The following VPS35L variants were observed in gnomAD, a reference collection of about 807,000 sequenced individuals.
VPS35L encodes the protein VPS35 endosomal protein sorting factor like.
Under a neutral mutation model 133.0 loss-of-function variants are expected in VPS35L, and 83 were observed. The ratio of observed to expected loss-of-function variants is 0.62; its 90% confidence interval spans 0.52 to 0.75. VPS35L has a LOEUF of 0.75. VPS35L is among the 30% of genes least tolerant of loss of function. The probability of loss-of-function intolerance (pLI) is 0.00; values close to 1 mark genes in which losing one functional copy is unlikely to be tolerated. For synonymous variants in VPS35L, 423 were observed against 449.9 expected (o/e 0.94, Z 0.76); for missense variants, 1,083 against 1,206.8 (o/e 0.90, Z 1.52).
At chr16:19,625,866 G>T (rs1407166421) in intron 14 of VPS35L, among the ~76,000 whole-genome samples, 3 of 152,082 alleles carry the variant, frequency 2.0e-5, no homozygotes, top group Non-Finnish European at 4.4e-5. Flanking sequence ...TGGAGACGGG[G>T]TTTTACCATG....
intron 28 of VPS35L, among the ~76,000 whole-genome samples, chr16:19,683,610 G>A (rs1016924757): frequency 6.6e-6 from 1 of 152,188 alleles, no homozygotes; most frequent in African/African-American, 2.4e-5. Context: ...TTGCACCCAT[G>A]TTGCCACAAA....
chr16:19,567,452 G>A (rs1033330507), intron 2 of VPS35L, among the ~76,000 whole-genome samples: 1 of 152,196 alleles, frequency 6.6e-6, no homozygotes, highest in Non-Finnish European at 1.5e-5. Flanking sequence ...CACCAGGCCT[G>A]TAGGAACTGA....
intron 4 of VPS35L, 132 bp downstream of exon 4, chr16:19,573,373 A>C: frequency 3.8e-6 from 4 of 1,049,198 alleles, no homozygotes; most frequent in Non-Finnish European, 5.4e-6. Context: ...TTAAAAGCTC[A>C]CATATAAGGC....
chr16:19,683,184 A>G (rs1975347651), intron 28 of VPS35L, among the ~76,000 whole-genome samples: 1 of 152,020 alleles, frequency 6.6e-6, no homozygotes, highest in Non-Finnish European at 1.5e-5. Flanking sequence ...CAGCCTCCCA[A>G]AGTGTTGGGA....
At chr16:19,589,014 G>A (rs566329056) in intron 7 of VPS35L, among the ~76,000 whole-genome samples, 17 of 152,124 alleles carry the variant, frequency 1.1e-4, no homozygotes, top group African/African-American at 3.4e-4. Flanking sequence ...GCAGTTCCTC[G>A]ATTACTAATA....
At chr16:19,647,977 A>G in intron 24 of VPS35L, 95 bp downstream of exon 24, 2 of 1,170,294 alleles carry the variant, frequency 1.7e-6, no homozygotes, top group East Asian at 2.4e-5. Context: ...TATTAGAGAC[A>G]GGGTCTCACT....
chr16:19,676,572 C>T (rs140955010), intron 27 of VPS35L, among the ~76,000 whole-genome samples: 96 of 152,186 alleles, frequency 6.3e-4, no homozygotes, highest in African/African-American at 2.2e-3. Flanking sequence ...AGTTTTGATA[C>T]AGTTGCAATT....
rs116976037 is a variant in VPS35L, at chr16:19,696,913, G to C, written c.2647-2589G>C. 4.6e-3 allele frequency among the ~76,000 whole-genome samples: 702 copies of C among 152,294 alleles called. 3 individuals are homozygous for C. Among genetic ancestry groups the C allele is most frequent in the Middle Eastern group, 0.024 (7 of 294 alleles). On this transcript the variant is annotated intron_variant, in intron 29 of 30. Transcript: ENST00000417362. ...TTAGCTCTGAAAGAGTTTTATTTTA[G>C]CTTGGTCTTGTAGATTCAGGCAGAA...
At chr16:19,615,704 C>CT (rs1293509332) in intron 12 of VPS35L, among the ~76,000 whole-genome samples, 4 of 151,594 alleles carry the variant, frequency 2.6e-5, no homozygotes, top group Non-Finnish European at 5.9e-5. Context: ...CGCTGTGGCT[C>CT]ACACCTGTAA....
intron 26 of VPS35L, among the ~76,000 whole-genome samples, chr16:19,667,129 A>C (rs1597413170): frequency 1.3e-5 from 2 of 151,756 alleles, no homozygotes; most frequent in African/African-American, 4.8e-5. Context: ...ATGCCCAGCT[A>C]ATTTTTGTAT....
At chr16:19,593,917 CAA>C (rs776234597) in intron 8 of VPS35L, among the ~76,000 whole-genome samples, 6 of 123,830 alleles carry the variant, frequency 4.8e-5, no homozygotes, top group Non-Finnish European at 5.2e-5. Context: ...ACTCCGTCTC[CAA>C]AAAAAAAAAA....
chr16:19,657,951 A>C (rs1411030451), intron 26 of VPS35L, among the ~76,000 whole-genome samples: 3 of 152,180 alleles, frequency 2.0e-5, no homozygotes, highest in Non-Finnish European at 2.9e-5. Flanking sequence ...TAGTTGGAAC[A>C]GTTCACAGCA....
intron 12 of VPS35L, among the ~76,000 whole-genome samples, chr16:19,612,538 G>A (rs1055834207): frequency 1.3e-5 from 2 of 152,176 alleles, no homozygotes; most frequent in African/African-American, 4.8e-5. Context: ...ACAGGTGTGA[G>A]CCCCCGTGCC....
At chr16:19,670,540 A>G (rs1217515377) in intron 27 of VPS35L, among the ~76,000 whole-genome samples, 4 of 152,236 alleles carry the variant, frequency 2.6e-5, no homozygotes, top group African/African-American at 9.6e-5. Context: ...CTCTGCACAT[A>G]GTAAACTTTC....
At chr16:19,637,075 A>G (rs1793677536) in intron 19 of VPS35L, among the ~76,000 whole-genome samples, 1 of 152,240 alleles carries the variant, frequency 6.6e-6, no homozygotes, top group African/African-American at 2.4e-5. Flanking sequence ...ATAAAGTTTT[A>G]TTGGCACAAA....
chr16:19,699,336 G>A lies in VPS35L; in HGVS notation c.2647-166G>A, dbSNP rs1976026052. 1.3e-6 allele frequency: 1 copy of A among 765,858 alleles called. No homozygotes were observed. 47.4% of individuals were successfully genotyped at this position (765,858 alleles called of 1,614,324 possible). Reference sequence around the variant, plus strand: ...CTTACTGTCACTTACAGATGAAGCAGCTGGGACTTTGGGAGGTTCAGCAGC... The same window carrying A: ...CTTACTGTCACTTACAGATGAAGCAACTGGGACTTTGGGAGGTTCAGCAGC... On this transcript the variant is annotated intron_variant, in intron 29 of 30. Transcript: ENST00000417362. This position sits in a 1 kb window ranked among gnomAD's most constrained non-coding sequence, Gnocchi z 4.2.
chr16:19,572,683 G>A (rs1157404548), intron 3 of VPS35L, among the ~76,000 whole-genome samples: 1 of 151,998 alleles, frequency 6.6e-6, no homozygotes, highest in East Asian at 1.9e-4. Context: ...ATGATGAAAT[G>A]GTCTGAATTT....
At chr16:19,637,035 CTAT>C (rs1257128674) in intron 19 of VPS35L, among the ~76,000 whole-genome samples, 1 of 152,216 alleles carries the variant, frequency 6.6e-6, no homozygotes, top group Non-Finnish European at 1.5e-5. Flanking sequence ...AGCCCATAGG[CTAT>C]ATGTAGCCTG....
At chr16:19,623,364 T>A (rs1356319497) in intron 14 of VPS35L, among the ~76,000 whole-genome samples, 1 of 152,204 alleles carries the variant, frequency 6.6e-6, no homozygotes, top group Non-Finnish European at 1.5e-5. Flanking sequence ...CACATGGCTT[T>A]TCCTCTGTGT....
Sources: allele counts gnomAD v4.1 joint callset (sites outside exome capture counted in the v4.1 genomes callset), GRCh38; gene constraint gnomAD v4.1.1; non-coding constraint Gnocchi (gnomAD v3.1); transcripts MANE v1.5; gene names NCBI Gene and HGNC (gene_info 2026-07-23, HGNC 2026-07-21).